The following HS6ST3 variants were observed in gnomAD, a reference collection of about 807,000 sequenced individuals.
HS6ST3 encodes the protein heparan-sulfate 6-O-sulfotransferase 3.
In HS6ST3, 12 loss-of-function variants were observed where a neutral mutation model predicts 36.7. The ratio of observed to expected loss-of-function variants is 0.33; its 90% CI spans 0.21 to 0.53. HS6ST3 has a LOEUF of 0.53. HS6ST3 is among the 20% of genes least tolerant of loss of function. HS6ST3 has a pLI of 0.95. For synonymous variants in HS6ST3, 240 were observed against 257.5 expected (o/e 0.93, Z 0.65); for missense variants, 584 against 640.9 (o/e 0.91, Z 0.96).
chr13:96,790,278 C>T (rs1156829059), intron 1 of HS6ST3, among the ~76,000 whole-genome samples: 1 of 125,696 alleles, frequency 8.0e-6, no homozygotes, highest in Non-Finnish European at 1.9e-5. Flanking sequence ...TGTACACACA[C>T]ACACACACAC....
chr13:96,195,139 T>G (rs1017470298), intron 1 of HS6ST3, among the ~76,000 whole-genome samples: 12 of 152,368 alleles, frequency 7.9e-5, no homozygotes, highest in African/African-American at 2.9e-4. Flanking sequence ...TCTGCTAGTT[T>G]CAAGGATTTT....
intron 1 of HS6ST3, among the ~76,000 whole-genome samples, chr13:96,781,204 A>T (rs1877517506): frequency 6.6e-6 from 1 of 152,184 alleles, no homozygotes; most frequent in African/African-American, 2.4e-5. Context: ...TTCCTATTCC[A>T]TGTTAGCTGC....
At chr13:96,253,673 T>C (rs547606052) in intron 1 of HS6ST3, among the ~76,000 whole-genome samples, 1 of 152,320 alleles carries the variant, frequency 6.6e-6, no homozygotes, top group East Asian at 1.9e-4. Flanking sequence ...CACTCAAAAT[T>C]CCTTTCCTTC....
chr13:96,570,905 T>G (rs201338440), intron 1 of HS6ST3, among the ~76,000 whole-genome samples: 2 of 152,192 alleles, frequency 1.3e-5, no homozygotes, highest in African/African-American at 2.4e-5. Flanking sequence ...TTTCTGAGGA[T>G]GTAACATATA....
intron 1 of HS6ST3, among the ~76,000 whole-genome samples, chr13:96,546,564 T>G (rs186263495): frequency 6.6e-6 from 1 of 152,326 alleles, no homozygotes; most frequent in Admixed American, 6.5e-5. Context: ...ATGAAATAGC[T>G]TTACAATGTG....
chr13:96,468,872 G>A (rs1295417703), intron 1 of HS6ST3, among the ~76,000 whole-genome samples: 1 of 152,064 alleles, frequency 6.6e-6, no homozygotes, highest in Non-Finnish European at 1.5e-5. Flanking sequence ...CCCTGAAAAA[G>A]GGCATTTTCG....
chr13:96,449,105 G>T (rs2055714393), intron 1 of HS6ST3, among the ~76,000 whole-genome samples: 1 of 152,018 alleles, frequency 6.6e-6, no homozygotes, highest in South Asian at 2.1e-4. Context: ...GATACTACAG[G>T]CGCGTGCCAC....
At chr13:96,557,142 C>T (rs1030973611) in intron 1 of HS6ST3, among the ~76,000 whole-genome samples, 17 of 152,176 alleles carry the variant, frequency 1.1e-4, no homozygotes, top group Non-Finnish European at 1.2e-4. Context: ...ATTCAACAGA[C>T]GTGTATCAAG....
intron 1 of HS6ST3, among the ~76,000 whole-genome samples, chr13:96,798,189 AC>A (rs1213910567): frequency 1.3e-5 from 2 of 152,054 alleles, no homozygotes; most frequent in Non-Finnish European, 2.9e-5. Flanking sequence ...GCATGGAGTT[AC>A]CATCCCTTCC....
intron 1 of HS6ST3, among the ~76,000 whole-genome samples, chr13:96,706,242 C>T (rs1022195891): frequency 5.3e-5 from 8 of 151,568 alleles, no homozygotes; most frequent in Admixed American, 4.0e-4. Context: ...CATTAGTTCC[C>T]GGATGCTGTG....
At chr13:96,597,775 A>G (rs974539053) in intron 1 of HS6ST3, among the ~76,000 whole-genome samples, 2 of 151,844 alleles carry the variant, frequency 1.3e-5, no homozygotes, top group Non-Finnish European at 2.9e-5. Context: ...ATTTTTTCTT[A>G]AGTTTTCTTC....
At chr13:96,384,562 G>C (rs1303367600) in intron 1 of HS6ST3, among the ~76,000 whole-genome samples, 1 of 152,116 alleles carries the variant, frequency 6.6e-6, no homozygotes, top group Non-Finnish European at 1.5e-5. Flanking sequence ...CTGGTGTTAG[G>C]TTTAGACAGA....
intron 1 of HS6ST3, among the ~76,000 whole-genome samples, chr13:96,247,589 A>G (rs1319023837): frequency 6.6e-6 from 1 of 152,146 alleles, no homozygotes; most frequent in Non-Finnish European, 1.5e-5. Flanking sequence ...CTGTGAGTCA[A>G]TTAAGCTTCT....
intron 1 of HS6ST3, among the ~76,000 whole-genome samples, chr13:96,496,559 G>A (rs117785694): frequency 0.045 from 6,885 of 152,196 alleles, 214 homozygotes; most frequent in Middle Eastern, 0.075. Flanking sequence ...GAGAGGCCAT[G>A]TGGAAAGAGA....
chr13:96,824,194 CAAAG>C (rs2138544264), intron 1 of HS6ST3, among the ~76,000 whole-genome samples: 1 of 152,320 alleles, frequency 6.6e-6, no homozygotes, highest in South Asian at 2.1e-4. Context: ...TGCCTGAGCC[CAAAG>C]GGTCTGACTG....
chr13:96,496,366 CGCT>C (rs746051236), intron 1 of HS6ST3, among the ~76,000 whole-genome samples: 3 of 152,174 alleles, frequency 2.0e-5, no homozygotes, highest in Admixed American at 6.5e-5. Flanking sequence ...TGTACACTCA[CGCT>C]GCTTGACCCA....
At chr13:96,342,452 C>G (rs1015508033) in intron 1 of HS6ST3, among the ~76,000 whole-genome samples, 4 of 152,152 alleles carry the variant, frequency 2.6e-5, no homozygotes, top group Non-Finnish European at 4.4e-5. Flanking sequence ...TCATAGAGTT[C>G]CCCCGAAGCA....
At chr13:96,620,908 C>T (rs943132674) in intron 1 of HS6ST3, among the ~76,000 whole-genome samples, 7 of 152,048 alleles carry the variant, frequency 4.6e-5, no homozygotes, top group Non-Finnish European at 2.9e-5. Flanking sequence ...AGAACTAGGG[C>T]GATTATGCTG....
intron 1 of HS6ST3, among the ~76,000 whole-genome samples, chr13:96,401,591 T>C (rs2055451490): frequency 6.6e-6 from 1 of 152,234 alleles, no homozygotes; most frequent in Admixed American, 6.5e-5. Flanking sequence ...TTTATTTATT[T>C]TGAGACCAAA....
Sources: allele counts gnomAD v4.1 joint callset (sites outside exome capture counted in the v4.1 genomes callset), GRCh38; gene constraint gnomAD v4.1.1; transcripts MANE v1.5; gene names NCBI Gene and HGNC (gene_info 2026-07-23, HGNC 2026-07-21).